MTA3: variants seen among roughly 807,000 people sequenced by gnomAD.
MTA3 encodes the protein metastasis associated 1 family member 3.
A neutral mutation model predicts 83.5 loss-of-function variants in MTA3; 34 were observed. The observed-to-expected ratio is 0.41, with a 90% CI of 0.31 to 0.54. MTA3 has a LOEUF of 0.54. Among genes scored for constraint, MTA3 ranks in the 20% least tolerant of loss-of-function variants. The pLI is 0.33. For missense variants in MTA3, 761 were observed against 726.4 expected, an observed-to-expected ratio of 1.05 and a Z score of -0.55; for synonymous variants, 303 against 252.7, an observed-to-expected ratio of 1.20 and a Z score of -1.89.
At chr2:42,543,807 T>C in intron 2 of MTA3, among the ~76,000 whole-genome samples, 1 of 151,968 alleles carries the variant, frequency 6.6e-6, no homozygotes, top group East Asian at 1.9e-4. Context: ...TTTTAAAAAA[T>C]TATGTATCTA....
chr2:42,735,380 C>T (rs1389187658), intron 16 of MTA3, among the ~76,000 whole-genome samples: 1 of 152,090 alleles, frequency 6.6e-6, no homozygotes, highest in East Asian at 1.9e-4. Flanking sequence ...TCTCTTGCTA[C>T]TTTTAGGATC....
chr2:42,624,137 G>A (rs1685850638), intron 4 of MTA3, among the ~76,000 whole-genome samples: 1 of 152,014 alleles, frequency 6.6e-6, no homozygotes, highest in Non-Finnish European at 1.5e-5. Context: ...GATGTTACTG[G>A]AAGTCAATTA....
At chr2:42,681,200 G>A (rs1437647422) in intron 8 of MTA3, among the ~76,000 whole-genome samples, 1 of 152,212 alleles carries the variant, frequency 6.6e-6, no homozygotes, top group African/African-American at 2.4e-5. Context: ...GAAAACCACA[G>A]TGGCCTTGCT....
At chr2:42,748,061 C>A (rs529451774) in intron 16 of MTA3, among the ~76,000 whole-genome samples, 2 of 152,086 alleles carry the variant, frequency 1.3e-5, no homozygotes, top group Admixed American at 1.3e-4. Flanking sequence ...AGGGAGTCTC[C>A]CTCTGTCGCC....
In MTA3 at chr2:42,599,117, A is replaced by T. The variant is rs1682222058; in HGVS notation, c.191-10341A>T. 2.6e-5 allele frequency among the ~76,000 whole-genome samples: 4 copies of T among 152,116 alleles called. No homozygotes were observed. The South Asian group carries it at 8.3e-4, about 32-fold the overall frequency. On this transcript the variant is annotated intron_variant, in intron 3 of 16. Coordinates refer to ENST00000405094, the MANE Select transcript of MTA3 (RefSeq NM_001330442.2). ...GGTGGCTAATGTCCCATATCCTTTC[A>T]GTGTACCTCATGCCAGTTCCTTTCC... is the stretch of plus-strand genomic sequence containing the variant.
chr2:42,734,162 TC>T (rs1668441855), intron 16 of MTA3, among the ~76,000 whole-genome samples: 1 of 152,094 alleles, frequency 6.6e-6, no homozygotes, highest in Admixed American at 6.6e-5. Context: ...GTGGTCTCTC[TC>T]TCTCTCTGTA....
chr2:42,616,572 C>CTTTTTTTTTTTTTTTTTTTTTTTTTTTTA (rs70963338), intron 4 of MTA3, among the ~76,000 whole-genome samples: 1 of 56,212 alleles, frequency 1.8e-5, no homozygotes, highest in Non-Finnish European at 3.0e-5. Flanking sequence ...TCTTCTTCTT[C>CTTTTTTTTTTTTTTTTTTTTTTTTTTTTA]TTTTTTTTTT....
chr2:42,751,879 T>G (rs568494332), intron 16 of MTA3, among the ~76,000 whole-genome samples: 13 of 152,232 alleles, frequency 8.5e-5, no homozygotes, highest in African/African-American at 3.1e-4. Context: ...TACATAACCT[T>G]CCATTTAGAC....
chr2:42,567,489 C>G (rs1677968914), upstream of MTA3, among the ~76,000 whole-genome samples: 2 of 152,178 alleles, frequency 1.3e-5, no homozygotes, highest in Non-Finnish European at 2.9e-5. Context: ...CAGCACACAG[C>G]TGTGTATCAC....
At chr2:42,646,679 A>C (rs1450307752) in intron 6 of MTA3, among the ~76,000 whole-genome samples, 2 of 152,194 alleles carry the variant, frequency 1.3e-5, no homozygotes, top group Non-Finnish European at 1.5e-5. Context: ...TCTTGTGGTA[A>C]AACTTGGATG....
At chr2:42,537,684 G>C (rs1166642529) in intron 2 of MTA3, among the ~76,000 whole-genome samples, 1 of 152,200 alleles carries the variant, frequency 6.6e-6, no homozygotes. Flanking sequence ...GAAATGCATT[G>C]CGTAATCATT....
At chr2:42,679,747 T>C (rs564522519) in intron 8 of MTA3, among the ~76,000 whole-genome samples, 72 of 152,244 alleles carry the variant, frequency 4.7e-4, no homozygotes, top group Non-Finnish European at 7.4e-5. Flanking sequence ...ACCTCCATGC[T>C]AAACTTCATT....
At chr2:42,531,548 G>A (rs1675970224) in intron 2 of MTA3, among the ~76,000 whole-genome samples, 1 of 143,646 alleles carries the variant, frequency 7.0e-6, no homozygotes, top group African/African-American at 2.6e-5. Context: ...TGCCTCCCGG[G>A]TTCAAGCAAT....
At chr2:42,667,302 T>C (rs1217651663) in intron 8 of MTA3, among the ~76,000 whole-genome samples, 9 of 152,182 alleles carry the variant, frequency 5.9e-5, no homozygotes, top group African/African-American at 2.2e-4. Context: ...AGATTCACTC[T>C]GGCATTACAT....
At position 42,708,041 on chromosome 2, in the gene MTA3, G is replaced by C; in HGVS notation, c.1289G>C (p.Ser430Thr). ...TCAGAAGAAGAGAAGTTATCTCCTA[G>C]CCCAACTACAGAGGTACAGTAGTCT... ...TQSEEEKLSPSPTTEDPRVRS... is the reference protein window; with the variant it reads ...TQSEEEKLSPTPTTEDPRVRS... Residue 430 changes from serine (S) to threonine (T), a missense_variant, in exon 13 of 17, where the codon AGC (serine) becomes ACC (threonine). Ser to Thr is a moderately conservative substitution (Grantham distance 58). Transcript: ENST00000405094. 6.2e-7 allele frequency: 1 copy of C among 1,609,018 alleles called. No homozygotes were observed. Among genetic ancestry groups the C allele is most frequent in the South Asian group, 1.1e-5 (1 of 89,702 alleles).
At position 42,754,136 on chromosome 2, in the gene MTA3, C is replaced by T. The variant is rs893026812; in HGVS notation, c.*737C>T. On this transcript the variant is annotated 3_prime_UTR_variant, in exon 17 of 17. Coordinates refer to ENST00000405094, the MANE Select transcript of MTA3 (RefSeq NM_001330442.2). Reference sequence around the variant, plus strand: ...CCCGGCTCTGCTTGGTCACAGACAGCTCCAGCAAGAGCAGTTGTTAAAAGT... The same window carrying T: ...CCCGGCTCTGCTTGGTCACAGACAGTTCCAGCAAGAGCAGTTGTTAAAAGT... The T allele has an allele frequency of 1.0e-6, 1 of 985,440 alleles. No individual in the cohort carries two copies. Among genetic ancestry groups the T allele is most frequent in the Non-Finnish European group, 1.2e-6 (1 of 829,954 alleles). The allele number at this position is 985,440 out of a possible 1,614,324, so 61.0% of individuals were successfully genotyped here.
intron 16 of MTA3, among the ~76,000 whole-genome samples, chr2:42,737,134 G>A (rs1401485775): frequency 6.6e-6 from 1 of 152,210 alleles, no homozygotes; most frequent in Non-Finnish European, 1.5e-5. Context: ...GCCCTGGCTG[G>A]TATCTCACTA....
chr2:42,747,549 G>T (rs1404749966), intron 16 of MTA3, among the ~76,000 whole-genome samples: 2 of 151,724 alleles, frequency 1.3e-5, no homozygotes, highest in East Asian at 3.9e-4. Flanking sequence ...TGTTTTCTGA[G>T]GCCTGCTCTT....
At chr2:42,671,818 A>G (rs1199189577) in intron 8 of MTA3, among the ~76,000 whole-genome samples, 4 of 152,138 alleles carry the variant, frequency 2.6e-5, no homozygotes, top group Non-Finnish European at 5.9e-5. Context: ...CTGGAATAGG[A>G]TCCTCCCCAG....
Sources: gnomAD v4.1 joint callset for allele counts (sites outside exome capture counted in the v4.1 genomes callset) on GRCh38, gnomAD v4.1.1 for gene constraint, MANE v1.5 for transcripts, NCBI Gene and HGNC (gene_info 2026-07-23, HGNC 2026-07-21) for gene names.